The following ATP2C2 variants were observed in gnomAD, a reference collection of about 807,000 sequenced individuals.
ATP2C2 encodes ATPase secretory pathway Ca2+ transporting 2.
A neutral mutation model predicts 110.8 loss-of-function variants in ATP2C2; 171 were observed. The observed-to-expected ratio is 1.54, with a 90% CI of 1.36 to 1.75. The LOEUF (loss-of-function observed/expected upper bound fraction) is 1.75, where lower values mean the gene tolerates loss of function less well. Among genes scored for constraint, ATP2C2 ranks in the 40% most tolerant of loss-of-function variants. The pLI is 0.00. For missense variants in ATP2C2, 1,963 were observed against 1,235.0 expected, an observed-to-expected ratio of 1.59 and a Z score of -8.84; for synonymous variants, 804 against 508.4, an observed-to-expected ratio of 1.58 and a Z score of -7.82.
At chr16:84,433,454 A>G (rs1908459315) in intron 11 of ATP2C2, among the ~76,000 whole-genome samples, 1 of 152,090 alleles carries the variant, frequency 6.6e-6, no homozygotes, top group Non-Finnish European at 1.5e-5. Flanking sequence ...GGAGTTTGAG[A>G]CCAGCCTGGC....
intron 3 of ATP2C2, among the ~76,000 whole-genome samples, chr16:84,406,329 C>G (rs918167700): frequency 1.3e-5 from 2 of 152,262 alleles, no homozygotes; most frequent in African/African-American, 4.8e-5. Flanking sequence ...GCTCAGTGAA[C>G]AGGCAGAATT....
At chr16:84,432,448 T>C (rs1364457409) in intron 11 of ATP2C2, among the ~76,000 whole-genome samples, 1 of 151,838 alleles carries the variant, frequency 6.6e-6, no homozygotes, top group East Asian at 2.0e-4. Flanking sequence ...CCGACAGGCC[T>C]GGGTGTGGAT....
At position 84,448,592 on chromosome 16, in the gene ATP2C2, C is replaced by A. The variant is rs1909975249; in HGVS notation, c.1563C>A (p.Thr521=). The change falls in exon 17 of 27, where the codon ACC becomes ACA. Residue 521 remains threonine (T), a synonymous_variant. Transcript: ENST00000262429. ...TGGAAGAGGTGATCCGCTACTGCAC[C>A]ATGTACAACAACGGGGGCATCCCCC... ...GALEEVIRYC[T]MYNNGGIPLP... 6.2e-7 allele frequency: 1 copy of A among 1,614,038 alleles called. No individual in the cohort carries two copies. The highest frequency in any genetic ancestry group is 1.3e-5 in the African/African-American group (1 of 75,040).
rs745571537 is a variant in ATP2C2 at position 84,460,814 on chromosome 16, C to A, written c.2481+13C>A. Reference sequence around the variant, plus strand: ...CTTCTGGAAGGAGGTGAGCGAGGGTCACCCCGGCCTGTTCTCCAAGCCCTG... The same window carrying A: ...CTTCTGGAAGGAGGTGAGCGAGGGTAACCCCGGCCTGTTCTCCAAGCCCTG... On this transcript the variant is annotated intron_variant, in intron 24 of 26. Coordinates refer to ENST00000262429, the MANE Select transcript of ATP2C2 (RefSeq NM_014861.4). 2 of 1,603,752 alleles carry A rather than the reference C, an allele frequency of 1.2e-6. No individual in the cohort carries two copies. The highest frequency in any genetic ancestry group is 2.2e-5 in the South Asian group (2 of 89,858).
At chr16:84,416,982 C>T (rs1310848956) in intron 7 of ATP2C2, among the ~76,000 whole-genome samples, 2 of 152,202 alleles carry the variant, frequency 1.3e-5, no homozygotes, top group Non-Finnish European at 2.9e-5. Context: ...AGGTCCGCCA[C>T]AAGGGCTGGT....
chr16:84,370,739 G>C (rs1405492562), intron 1 of ATP2C2, among the ~76,000 whole-genome samples: 1 of 150,208 alleles, frequency 6.7e-6, no homozygotes, highest in East Asian at 2.0e-4. Context: ...CTCCTCAATA[G>C]AACCGTCTTT....
At chr16:84,453,628 C>T (rs1910524179) in intron 20 of ATP2C2, among the ~76,000 whole-genome samples, 1 of 152,078 alleles carries the variant, frequency 6.6e-6, no homozygotes, top group South Asian at 2.1e-4. Context: ...CTGACAGCCC[C>T]TTGGCCAGAA....
rs1907882137 is a variant in ATP2C2, at chr16:84,427,197, T to C, written c.986+1396T>C. 1.3e-5 allele frequency among the ~76,000 whole-genome samples: 2 copies of C among 152,180 alleles called. 1 individual carries two copies. The highest frequency in any genetic ancestry group is 4.1e-4 in the South Asian group (2 of 4,832). ...AAAATCATTCTAGTGTCTGTTCATA[T>C]GTATATATATGTAATTAATACATCA... is the stretch of plus-strand genomic sequence containing the variant. On this transcript the variant is annotated intron_variant, in intron 11 of 26. Coordinates refer to ENST00000262429, the MANE Select transcript of ATP2C2 (RefSeq NM_014861.4).
intron 11 of ATP2C2, among the ~76,000 whole-genome samples, chr16:84,438,682 C>A (rs1214722397): frequency 2.0e-5 from 3 of 152,136 alleles, no homozygotes; most frequent in Non-Finnish European, 4.4e-5. Context: ...CCTTCACCTG[C>A]CCTGACCTGG....
At chr16:84,388,701 A>G (rs970218646) in intron 1 of ATP2C2, among the ~76,000 whole-genome samples, 1 of 152,156 alleles carries the variant, frequency 6.6e-6, no homozygotes, top group Non-Finnish European at 1.5e-5. Context: ...TCTTGCATTG[A>G]TTCTCTCCAA....
intron 10 of ATP2C2, among the ~76,000 whole-genome samples, chr16:84,424,380 C>G (rs553362006): frequency 6.6e-6 from 1 of 152,180 alleles, no homozygotes; most frequent in African/African-American, 2.4e-5. Context: ...CTGGGTTAAC[C>G]AATTCTCCTG....
At chr16:84,446,010 T>G (rs1258587049) in intron 15 of ATP2C2, among the ~76,000 whole-genome samples, 1 of 152,158 alleles carries the variant, frequency 6.6e-6, no homozygotes, top group Admixed American at 6.5e-5. Flanking sequence ...ACTCAGGGGG[T>G]TCCGTCTGAG....
intron 11 of ATP2C2, among the ~76,000 whole-genome samples, chr16:84,433,094 A>T (rs958163324): frequency 2.0e-5 from 3 of 152,138 alleles, no homozygotes; most frequent in Non-Finnish European, 2.9e-5. Context: ...ATCTTCCCCA[A>T]GTAGGCTGGG....
intron 7 of ATP2C2, among the ~76,000 whole-genome samples, chr16:84,419,901 G>A (rs917895963): frequency 3.3e-5 from 5 of 152,142 alleles, no homozygotes. Context: ...TCCCAAATGG[G>A]AGAGACTTGC....
chr16:84,450,479 C>G (rs960004728), intron 17 of ATP2C2, among the ~76,000 whole-genome samples: 2 of 152,010 alleles, frequency 1.3e-5, no homozygotes, highest in African/African-American at 2.4e-5. Flanking sequence ...GAGGGGAGCA[C>G]GGAGGCAGGA....
rs574297923 is a variant in ATP2C2, at chr16:84,422,328, T to G, written c.625-62T>G. The G allele has an allele frequency of 9.5e-5, 148 of 1,562,178 alleles. 2 individuals are homozygous for G. In the South Asian group the frequency reaches 1.4e-3, roughly 14 times the overall value. On this transcript the variant is annotated intron_variant, in intron 7 of 26. Coordinates refer to ENST00000262429, the MANE Select transcript of ATP2C2 (RefSeq NM_014861.4). ...TGAAGGTGCTGGTACCATTTTGTGC[T>G]TTTAACACCAATTCTCGGGGTGACA...
Position 84,463,659 on chromosome 16 carries a change from C to T in ATP2C2, c.2768C>T (p.Ser923Leu). ...TTGGCCTCATCCGTCTTCATTTTGT[C>T]AGAGCTCCTCAAACTATGTGAAAAA... The part of the protein sequence containing the change: ...TGLASSVFIL[S>L]ELLKLCEKYC... Residue 923 changes from serine (S) to leucine (L), a missense_variant, in exon 27 of 27, where the codon TCA becomes TTA. Physicochemically the swap from Ser to Leu is moderately radical, Grantham distance 145. Transcript: ENST00000262429. 2 of 1,614,216 alleles carry T rather than the reference C, an allele frequency of 1.2e-6. No individual in the cohort carries two copies. The highest frequency in any genetic ancestry group is 1.7e-5 in the Admixed American group (1 of 60,026).
At chr16:84,396,615 G>A (rs1360489476) in intron 1 of ATP2C2, among the ~76,000 whole-genome samples, 1 of 151,092 alleles carries the variant, frequency 6.6e-6, no homozygotes, top group South Asian at 2.1e-4. Flanking sequence ...TGGCAAGGCT[G>A]AGGGCAGCTG....
intron 4 of ATP2C2, among the ~76,000 whole-genome samples, chr16:84,409,917 A>T (rs1315500478): frequency 6.6e-6 from 1 of 152,124 alleles, no homozygotes; most frequent in Non-Finnish European, 1.5e-5. Context: ...TCCAATTAAA[A>T]GGCTGGAGTA....
Sources: gnomAD v4.1 joint callset for allele counts (sites outside exome capture counted in the v4.1 genomes callset) on GRCh38, gnomAD v4.1.1 for gene constraint, MANE v1.5 for transcripts, NCBI Gene and HGNC (gene_info 2026-07-23, HGNC 2026-07-21) for gene names.